ZNF701: variants seen among roughly 807,000 people sequenced by gnomAD.
ZNF701 encodes the protein zinc finger protein 701.
Under a neutral mutation model 7.1 loss-of-function variants are expected in ZNF701, and 6 were observed. The ratio of observed to expected loss-of-function variants is 0.84; its 90% CI spans 0.46 to 1.66. ZNF701 has a LOEUF of 1.66. Among genes scored for constraint, ZNF701 ranks in the 40% most tolerant of loss-of-function variants. The probability of loss-of-function intolerance (pLI) is 0.01; values close to 1 mark genes in which losing one functional copy is unlikely to be tolerated. For missense variants in ZNF701, 541 were observed against 559.2 expected, an observed-to-expected ratio of 0.97 and a Z score of 0.33; for synonymous variants, 166 against 188.2, an observed-to-expected ratio of 0.88 and a Z score of 0.97.
At chr19:52,572,488 C>A in intron 1 of ZNF701, 1 of 1,000,364 alleles carries the variant, frequency 1.0e-6, no homozygotes, top group Non-Finnish European at 1.3e-6. Flanking sequence ...TTTCTTTATC[C>A]CAGGTATGTG....
At chr19:52,597,113 T>A in the ZNF701 span, 6 of 971,748 alleles carry the variant, frequency 6.2e-6, no homozygotes, top group African/African-American at 9.8e-5. Flanking sequence ...GTGGTAAAAT[T>A]TTCAGACATC....
chr19:52,581,262 C>T (rs1461596558), intron 3 of ZNF701, among the ~76,000 whole-genome samples: 2 of 152,192 alleles, frequency 1.3e-5, no homozygotes, highest in Non-Finnish European at 2.9e-5. Flanking sequence ...CTCTGCCACT[C>T]AGGGTGGAGT....
downstream of ZNF701, chr19:52,587,212 A>G (rs911316964): frequency 9.2e-5 from 14 of 152,240 alleles, no homozygotes; most frequent in African/African-American, 3.4e-4. Context: ...AATTACATGT[A>G]TACATGAAAG....
rs945890197 is a variant in ZNF701 at position 52,586,629 on chromosome 19, CTCT to C, written c.*3175_*3177del. 6.6e-6 allele frequency: 1 copy of C among 152,150 alleles called. No homozygotes were observed. The highest frequency in any genetic ancestry group is 1.5e-5 in the Non-Finnish European group (1 of 68,058). 9.4% of individuals were successfully genotyped at this position (152,150 alleles called of 1,614,324 possible). On this transcript the variant is annotated 3_prime_UTR_variant, in exon 4 of 4. Transcript: ENST00000391785. ...CTGGCCATCACATGAAAATCAGCGACTCTTCCTTCTTACAAAACTCGGAGCTTC... is the reference window on the plus strand; with the variant it reads ...CTGGCCATCACATGAAAATCAGCGACTCCTTCTTACAAAACTCGGAGCTTC...
At chr19:52,596,590 G>A in the ZNF701 span, 3 of 409,860 alleles carry the variant, frequency 7.3e-6, no homozygotes, top group Non-Finnish European at 1.5e-5. Flanking sequence ...GCACATCATG[G>A]ACTTCATACT....
intron 2 of ZNF701, among the ~76,000 whole-genome samples, chr19:52,574,658 T>C (rs2059921655): frequency 6.6e-6 from 1 of 152,176 alleles, no homozygotes; most frequent in Non-Finnish European, 1.5e-5. Flanking sequence ...ACTCAAAAAA[T>C]TGTACTAATT....
the ZNF701 span, chr19:52,596,234 A>G: frequency 1.9e-6 from 1 of 521,356 alleles, no homozygotes; most frequent in Admixed American, 2.8e-5. Context: ...CTTTCATCAG[A>G]AGCAATACCT....
At chr19:52,595,646 T>G in the ZNF701 span, 1 of 1,217,810 alleles carries the variant, frequency 8.2e-7, no homozygotes, top group Admixed American at 2.2e-5. Flanking sequence ...GATGGAGTTC[T>G]CATCAACTGG....
At chr19:52,590,709 C>G (rs1301480746), downstream of ZNF701, among the ~76,000 whole-genome samples, 2 of 152,124 alleles carry the variant, frequency 1.3e-5, no homozygotes, top group Non-Finnish European at 2.9e-5. Flanking sequence ...CCTCCCACCT[C>G]AGCCTGGCAT....
chr19:52,596,400 G>A, the ZNF701 span: 101,149 of 400,216 alleles, frequency 0.25, 13,554 homozygotes, highest in Admixed American at 0.35. Flanking sequence ...GTTTAGAGTT[G>A]AGGATCACAA....
At chr19:52,574,927 C>T (rs2059923318) in intron 2 of ZNF701, among the ~76,000 whole-genome samples, 1 of 151,656 alleles carries the variant, frequency 6.6e-6, no homozygotes, top group African/African-American at 2.4e-5. Flanking sequence ...GATGAGATTC[C>T]TCTTCAGTTA....
chr19:52,577,620 C>T (rs6509652), intron 3 of ZNF701, among the ~76,000 whole-genome samples: 62,396 of 151,532 alleles, frequency 0.41, 13,215 homozygotes, highest in Non-Finnish European at 0.47. Flanking sequence ...AAGAGGTGAG[C>T]CCTCTGTCAC....
intron 3 of ZNF701, among the ~76,000 whole-genome samples, chr19:52,581,713 G>A (rs2059976759): frequency 6.6e-6 from 1 of 152,152 alleles, no homozygotes; most frequent in African/African-American, 2.4e-5. Context: ...TCTTCTCAGT[G>A]CTATGATTCT....
Position 52,579,116 on chromosome 19 carries a change from A to T in ZNF701, c.143-3086A>T, listed in dbSNP as rs773674366. Among the ~76,000 whole-genome samples the T allele has an allele frequency of 5.6e-5, 8 of 143,992 alleles. 1 individual carries two copies. Among genetic ancestry groups the T allele is most frequent in the Non-Finnish European group, 1.2e-4 (8 of 67,836 alleles). The allele number at this position is 143,992 out of a possible 152,430, so 94.5% of individuals were successfully genotyped here. On this transcript the variant is annotated intron_variant, in intron 3 of 3. Coordinates refer to ENST00000391785, the MANE Select transcript of ZNF701 (RefSeq NM_018260.3). ...TAAAATAAAAAGGCATGAAAAAAAC[A>T]CTGTACATATATGTTACCAGAAATG... is the stretch of plus-strand genomic sequence containing the variant.
chr19:52,576,359 G>A (rs369502809), intron 3 of ZNF701, among the ~76,000 whole-genome samples: 42 of 152,184 alleles, frequency 2.8e-4, no homozygotes, highest in African/African-American at 1.0e-3. Context: ...TGGCCAACAT[G>A]GAGAAATCCC....
At chr19:52,596,280 C>T in the ZNF701 span, 1 of 435,596 alleles carries the variant, frequency 2.3e-6, no homozygotes, top group East Asian at 5.6e-5. Context: ...GGAGAAAAAC[C>T]TTACAAGTGT....
rs116875866 is a variant in ZNF701, at chr19:52,576,862, G to T, written c.142+841G>T. On this transcript the variant is annotated intron_variant, in intron 3 of 3. Transcript: ENST00000391785. ...TATCTCCATGTTGGAGCAAGAGAAAGGGCCCTGGACTGTGGAGAGTGAAGT... is the reference window on the plus strand; with the variant it reads ...TATCTCCATGTTGGAGCAAGAGAAATGGCCCTGGACTGTGGAGAGTGAAGT... Among the ~76,000 whole-genome samples, 276 of 152,286 alleles carry T rather than the reference G, an allele frequency of 1.8e-3. 6 individuals carry two copies. In the East Asian group the frequency reaches 0.04, roughly 22 times the overall value.
At chr19:52,595,127 G>A in the ZNF701 span, among the ~76,000 whole-genome samples, 6 of 151,804 alleles carry the variant, frequency 4.0e-5, no homozygotes, top group South Asian at 6.2e-4. Context: ...AATTACAGCC[G>A]CCCACCACCA....
intron 3 of ZNF701, among the ~76,000 whole-genome samples, 161 bp from the exon 4 acceptor site, chr19:52,582,041 T>G (rs1454197377): frequency 1.3e-5 from 2 of 152,226 alleles, no homozygotes; most frequent in African/African-American, 4.8e-5. Flanking sequence ...GCAATCACCC[T>G]TTATTTATTA....
Sources: gnomAD v4.1 joint callset for allele counts (sites outside exome capture counted in the v4.1 genomes callset) on GRCh38, gnomAD v4.1.1 for gene constraint, MANE v1.5 for transcripts, NCBI Gene and HGNC (gene_info 2026-07-23, HGNC 2026-07-21) for gene names.